PTPRM: variants seen among roughly 807,000 people sequenced by gnomAD.
PTPRM encodes the protein receptor-type tyrosine-protein phosphatase mu.
In PTPRM, 47 loss-of-function variants were observed where a neutral mutation model predicts 186.7. The observed-to-expected ratio is 0.25, with a 90% CI of 0.20 to 0.32. The LOEUF is 0.32. Among genes scored for constraint, PTPRM ranks in the 10% least tolerant of loss-of-function variants. The pLI, the probability that PTPRM is intolerant of heterozygous loss-of-function variation, is 1.00. For synonymous variants in PTPRM, 668 were observed against 674.9 expected (o/e 0.99, Z 0.16); for missense variants, 1,494 against 1,865.0 (o/e 0.80, Z 3.66).
intron 2 of PTPRM, among the ~76,000 whole-genome samples, chr18:7,846,450 TTC>T (rs1477309192): frequency 6.6e-6 from 1 of 152,260 alleles, no homozygotes; most frequent in Non-Finnish European, 1.5e-5. Context: ...AGAACTGTTT[TTC>T]TCTAGGATGT....
At chr18:7,749,328 A>G (rs376430740) in intron 1 of PTPRM, 9 of 152,070 alleles carry the variant, frequency 5.9e-5, no homozygotes, top group African/African-American at 1.9e-4. Flanking sequence ...GAGTTAAAAA[A>G]AAAAACAACA....
At chr18:8,252,434 G>A (rs376796220) in intron 17 of PTPRM, 54 bp from the exon 18 acceptor site, 28 of 1,404,196 alleles carry the variant, frequency 2.0e-5, no homozygotes, top group Non-Finnish European at 2.6e-5. Context: ...TATTGCTTAT[G>A]CCCTGTTTCC....
chr18:8,214,328 G>A (rs1230778016), intron 14 of PTPRM, among the ~76,000 whole-genome samples: 3 of 152,150 alleles, frequency 2.0e-5, no homozygotes, highest in Admixed American at 1.3e-4. Flanking sequence ...TCCTATAAAT[G>A]TCTGCTTCTG....
chr18:8,339,819 C>A (rs2095463527), intron 22 of PTPRM, among the ~76,000 whole-genome samples: 1 of 152,144 alleles, frequency 6.6e-6, no homozygotes. Flanking sequence ...CACCCCTCCC[C>A]TGGCCTGGAG....
chr18:8,032,488 AC>A (rs1174286111), intron 7 of PTPRM, among the ~76,000 whole-genome samples: 3 of 152,166 alleles, frequency 2.0e-5, no homozygotes, highest in Non-Finnish European at 4.4e-5. Flanking sequence ...AACTAGAAAT[AC>A]TACAATAAAT....
chr18:8,262,360 T>G (rs2094642488), intron 19 of PTPRM, among the ~76,000 whole-genome samples: 1 of 152,244 alleles, frequency 6.6e-6, no homozygotes, highest in African/African-American at 2.4e-5. Context: ...CCACGGATTC[T>G]TTCCAAAAAT....
chr18:7,979,796 G>A (rs1393085128), intron 7 of PTPRM, among the ~76,000 whole-genome samples: 1 of 152,178 alleles, frequency 6.6e-6, no homozygotes, highest in Admixed American at 6.5e-5. Flanking sequence ...GGCTGGGATG[G>A]TGCTTGGAGG....
chr18:7,584,160 A>T (rs2036916556), intron 1 of PTPRM, among the ~76,000 whole-genome samples: 1 of 152,230 alleles, frequency 6.6e-6, no homozygotes, highest in Admixed American at 6.5e-5. Context: ...AAACTGCATT[A>T]ACAAAAGTAG....
At chr18:8,054,047 TCACA>T in intron 7 of PTPRM, among the ~76,000 whole-genome samples, 1 of 151,986 alleles carries the variant, frequency 6.6e-6, no homozygotes, top group South Asian at 2.1e-4. Flanking sequence ...GCCAAGCCTG[TCACA>T]TTGTCTGTGT....
chr18:8,117,929 T>G (rs1365978778), intron 13 of PTPRM, among the ~76,000 whole-genome samples: 1 of 152,228 alleles, frequency 6.6e-6, no homozygotes, highest in Non-Finnish European at 1.5e-5. Context: ...GATTTTTTTA[T>G]GACCATTTGG....
chr18:7,597,186 A>G (rs2037287455), intron 1 of PTPRM, among the ~76,000 whole-genome samples: 1 of 152,106 alleles, frequency 6.6e-6, no homozygotes, highest in Non-Finnish European at 1.5e-5. Flanking sequence ...TTTGTACCAT[A>G]GAGAAACTTA....
chr18:7,600,553 G>C (rs2037375387), intron 1 of PTPRM, among the ~76,000 whole-genome samples: 1 of 152,178 alleles, frequency 6.6e-6, no homozygotes, highest in Non-Finnish European at 1.5e-5. Context: ...ACATTCTGTT[G>C]ACTTCAGTAA....
intron 7 of PTPRM, among the ~76,000 whole-genome samples, chr18:7,987,097 T>C (rs1031911763): frequency 1.8e-4 from 27 of 152,160 alleles, no homozygotes; most frequent in Non-Finnish European, 3.4e-4. Flanking sequence ...CCTGGAAAAT[T>C]TATTCAGCTG....
intron 20 of PTPRM, among the ~76,000 whole-genome samples, chr18:8,313,687 G>A (rs769834744): frequency 3.9e-5 from 6 of 151,902 alleles, no homozygotes; most frequent in African/African-American, 9.7e-5. Flanking sequence ...TGGCGCACCC[G>A]TCACCCAGGC....
intron 14 of PTPRM, among the ~76,000 whole-genome samples, chr18:8,228,371 A>G (rs2094241633): frequency 6.6e-6 from 1 of 152,212 alleles, no homozygotes; most frequent in Non-Finnish European, 1.5e-5. Context: ...CCCCAGCCAG[A>G]TATATAATGA....
At chr18:8,337,274 T>G (rs1004986254) in intron 22 of PTPRM, among the ~76,000 whole-genome samples, 2 of 152,118 alleles carry the variant, frequency 1.3e-5, no homozygotes, top group Non-Finnish European at 2.9e-5. Context: ...CAAGCAATCC[T>G]CCCATCTCTG....
At chr18:7,929,038 T>C (rs749029352) in intron 5 of PTPRM, among the ~76,000 whole-genome samples, 8 of 151,492 alleles carry the variant, frequency 5.3e-5, no homozygotes, top group Non-Finnish European at 1.2e-4. Context: ...TTTTGGTTTG[T>C]TTTTTTTCAC....
At chr18:7,959,399 T>C (rs2053523635) in intron 7 of PTPRM, among the ~76,000 whole-genome samples, 1 of 152,180 alleles carries the variant, frequency 6.6e-6, no homozygotes, top group Non-Finnish European at 1.5e-5. Context: ...AAGCTCTGTG[T>C]TTTCGTTTCT....
intron 1 of PTPRM, among the ~76,000 whole-genome samples, chr18:7,619,763 C>G (rs867491720): frequency 2.0e-5 from 3 of 152,134 alleles, no homozygotes; most frequent in African/African-American, 7.2e-5. Flanking sequence ...TATTCGGACT[C>G]TCCTCCTGCG....
Sources: gnomAD v4.1 joint callset for allele counts (sites outside exome capture counted in the v4.1 genomes callset) on GRCh38, gnomAD v4.1.1 for gene constraint, MANE v1.5 for transcripts, NCBI Gene and HGNC (gene_info 2026-07-23, HGNC 2026-07-21) for gene names.